RBMS1: variants seen among roughly 807,000 people sequenced by gnomAD.
RBMS1 encodes RNA binding motif single stranded interacting protein 1, also known as RNA-binding motif, single-stranded-interacting protein 1.
Under a neutral mutation model 62.3 loss-of-function variants are expected in RBMS1, and 17 were observed. The ratio of observed to expected loss-of-function variants is 0.27; its 90% CI spans 0.19 to 0.41. The LOEUF (loss-of-function observed/expected upper bound fraction) is 0.41. Among genes scored for constraint, RBMS1 ranks in the 10% least tolerant of loss-of-function variants. The pLI is 1.00. For missense variants in RBMS1, 334 were observed against 504.5 expected, an observed-to-expected ratio of 0.66 and a Z score of 3.24; for synonymous variants, 172 against 170.0, an observed-to-expected ratio of 1.01 and a Z score of -0.09.
At chr2:160,377,948 G>A (rs1255635985) in intron 1 of RBMS1, among the ~76,000 whole-genome samples, 1 of 152,208 alleles carries the variant, frequency 6.6e-6, no homozygotes, top group Non-Finnish European at 1.5e-5. Flanking sequence ...TTGCAGCAAA[G>A]ATGATGGTAC....
chr2:160,325,319 CTA>C (rs1384853641), intron 2 of RBMS1, among the ~76,000 whole-genome samples: 1 of 152,132 alleles, frequency 6.6e-6, no homozygotes, highest in Non-Finnish European at 1.5e-5. Context: ...TGACATTGGT[CTA>C]TCTTGGAATA....
intron 1 of RBMS1, among the ~76,000 whole-genome samples, chr2:160,470,045 C>A (rs1052979206): frequency 2.6e-5 from 4 of 152,154 alleles, no homozygotes; most frequent in Admixed American, 2.6e-4. Flanking sequence ...ATTTTTAAAC[C>A]CATGAGGCTG....
rs1685949395 is a variant in RBMS1 at position 160,493,443 on chromosome 2, T to C, written c.-80A>G. 5 of 1,412,666 alleles carry C rather than the reference T, an allele frequency of 3.5e-6. No homozygotes were observed. Among genetic ancestry groups the C allele is most frequent in the Non-Finnish European group, 3.0e-6 (3 of 1,009,200 alleles). 87.5% of individuals were successfully genotyped at this position (1,412,666 alleles called of 1,614,324 possible). ...TCTCGGGCTCTCCTGCCTCTCCCTT[T>C]CCGGCGGCGGCGGCAGCGGCGGCGG... is the stretch of plus-strand genomic sequence containing the variant. On this transcript the variant is annotated 5_prime_UTR_variant, in exon 1 of 14. Coordinates refer to ENST00000348849, the MANE Select transcript of RBMS1 (RefSeq NM_016836.4).
Position 160,389,643 on chromosome 2 carries a change from A to T in RBMS1, c.76-22252T>A, listed in dbSNP as rs184279508. On this transcript the variant is annotated intron_variant, in intron 1 of 13. Transcript: ENST00000348849. ...AACCCAGGAGGTGGAGGTTGCAGTG[A>T]GCCAAGTTTGCACCACTGCATTCCA... Among the ~76,000 whole-genome samples the T allele has an allele frequency of 5.8e-3, 759 of 130,778 alleles. 4 individuals carry two copies. Among genetic ancestry groups the T allele is most frequent in the Non-Finnish European group, 8.6e-3 (554 of 64,260 alleles). 85.8% of individuals were successfully genotyped at this position (130,778 alleles called of 152,430 possible). A position where few individuals can be genotyped will look rare whatever the true frequency, so the allele number is the denominator to read the frequency against.
intron 2 of RBMS1, among the ~76,000 whole-genome samples, chr2:160,363,571 A>T (rs1487379220): frequency 1.3e-5 from 2 of 151,988 alleles, no homozygotes; most frequent in Non-Finnish European, 2.9e-5. Flanking sequence ...AAGAAGGAAG[A>T]AGGGCTGGAG....
At chr2:160,442,944 G>A (rs1404128585) in intron 1 of RBMS1, among the ~76,000 whole-genome samples, 1 of 152,228 alleles carries the variant, frequency 6.6e-6, no homozygotes, top group South Asian at 2.1e-4. Flanking sequence ...GGTGGCTCAC[G>A]CCTGTAATCT....
intron 1 of RBMS1, among the ~76,000 whole-genome samples, chr2:160,468,735 TAAG>T (rs2105341413): frequency 6.6e-6 from 1 of 152,340 alleles, no homozygotes; most frequent in South Asian, 2.1e-4. Flanking sequence ...ATCTACAATG[TAAG>T]ACATCATTAA....
chr2:160,318,229 TAAAAAAAAAAA>T lies in RBMS1; in HGVS notation c.252-13_252-3del, dbSNP rs5835799. ...TTTGTGGAGACTATTTTCCCATATC[TAAAAAAAAAAA>T]AAAAAAAAAAAAGGAAAAAAAGAAA... On this transcript the variant is annotated splice_polypyrimidine_tract_variant and splice_region_variant and intron_variant, in intron 2 of 13. Coordinates refer to ENST00000348849, the MANE Select transcript of RBMS1 (RefSeq NM_016836.4). 20 of 1,164,710 alleles carry T rather than the reference TAAAAAAAAAAA, an allele frequency of 1.7e-5. No homozygotes were observed. The Admixed American group carries it at 3.3e-4, about 19-fold the overall frequency. The allele number at this position is 1,164,710 out of a possible 1,614,324, so 72.1% of individuals were successfully genotyped here. A position where few individuals can be genotyped will look rare whatever the true frequency, so the allele number is the denominator to read the frequency against.
intron 1 of RBMS1, among the ~76,000 whole-genome samples, chr2:160,400,289 T>C (rs1038548997): frequency 6.6e-6 from 1 of 151,254 alleles, no homozygotes; most frequent in Non-Finnish European, 1.5e-5. Flanking sequence ...CTTGCACATG[T>C]ATCTCGGAAC....
At chr2:160,387,852 G>C (rs746881085) in intron 1 of RBMS1, among the ~76,000 whole-genome samples, 60 of 151,676 alleles carry the variant, frequency 4.0e-4, no homozygotes, top group Non-Finnish European at 8.0e-4. Flanking sequence ...AAAAGAAAAA[G>C]CTTTTCCTTA....
At position 160,281,331 on chromosome 2, in the gene RBMS1, A is replaced by G; in HGVS notation, c.934T>C (p.Tyr312His). Reference sequence around the variant, plus strand: ...AAACTTACAGGGTGCTGTAGAATATATGGTTGAGGTTGCATCCACGAAGGA... The same window carrying G: ...AAACTTACAGGGTGCTGTAGAATATGTGGTTGAGGTTGCATCCACGAAGGA... ...QSPSWMQPQP[Y>H]ILQHPGAVLT... The change falls in exon 10 of 14, where the codon TAT (tyrosine) becomes CAT (histidine). Residue 312 changes from tyrosine to histidine, a missense_variant. Tyr to His is a moderately conservative substitution (Grantham distance 83, BLOSUM62 2). This residue lies in a region of RBMS1 where 182 missense variants were observed against 257.7 expected (regional missense o/e 0.71). Transcript: ENST00000348849. 1 of 1,609,400 alleles carries G rather than the reference A, an allele frequency of 6.2e-7. No individual in the cohort carries two copies. Among genetic ancestry groups the G allele is most frequent in the Non-Finnish European group, 8.5e-7 (1 of 1,177,074 alleles).
chr2:160,386,413 G>C (rs1047205236), intron 1 of RBMS1, among the ~76,000 whole-genome samples: 1 of 152,140 alleles, frequency 6.6e-6, no homozygotes, highest in Non-Finnish European at 1.5e-5. Context: ...GCGCGTGCCT[G>C]TAATCCCAGC....
At chr2:160,417,194 T>C (rs1696243913) in intron 1 of RBMS1, among the ~76,000 whole-genome samples, 1 of 152,170 alleles carries the variant, frequency 6.6e-6, no homozygotes, top group Non-Finnish European at 1.5e-5. Flanking sequence ...AATTTTCACC[T>C]TCTTTTCAAA....
In RBMS1 at chr2:160,493,539, C is replaced by CTCT; in HGVS notation, c.-179_-177dup. The CTCT allele has an allele frequency of 1.7e-6, 1 of 599,544 alleles. No individual in the cohort carries two copies. The highest frequency in any genetic ancestry group is 2.8e-5 in the East Asian group (1 of 35,324). The allele number at this position is 599,544 out of a possible 1,614,324, so 37.1% of individuals were successfully genotyped here. A position where few individuals can be genotyped will look rare whatever the true frequency, so the allele number is the denominator to read the frequency against. On this transcript the variant is annotated 5_prime_UTR_variant, in exon 1 of 14. Transcript: ENST00000348849. ...ACCAGACGTCCTCCTCCTCCTCCTCCTCTTCCTCCTCCTCCTCCTCCTCCT... is the reference window on the plus strand; with the variant it reads ...ACCAGACGTCCTCCTCCTCCTCCTCCTCTTCTTCCTCCTCCTCCTCCTCCTCCT...
chr2:160,324,870 GTGTGTGTGTGTGTATATATA>G (rs1310042649), intron 2 of RBMS1, among the ~76,000 whole-genome samples: 2 of 46,300 alleles, frequency 4.3e-5, no homozygotes, highest in African/African-American at 1.1e-4. Context: ...AGCGAGATGT[GTGTGTGTGTGTGTATATATA>G]TATATATATA....
At chr2:160,287,181 G>A in intron 6 of RBMS1, 97 bp from the exon 7 acceptor site, 2 of 1,499,108 alleles carry the variant, frequency 1.3e-6, no homozygotes, top group Non-Finnish European at 1.8e-6. Context: ...CACGCTATTA[G>A]AAAATTCATA....
intron 1 of RBMS1, among the ~76,000 whole-genome samples, chr2:160,465,779 A>T (rs1684660684): frequency 6.6e-6 from 1 of 151,998 alleles, no homozygotes; most frequent in Non-Finnish European, 1.5e-5. Context: ...CTTGGGTCTG[A>T]TCAAGAAACA....
intron 1 of RBMS1, among the ~76,000 whole-genome samples, chr2:160,487,379 G>A (rs1685640588): frequency 6.6e-6 from 1 of 152,196 alleles, no homozygotes; most frequent in Admixed American, 6.5e-5. Flanking sequence ...TAAATATTCT[G>A]TGCTTATTTC....
chr2:160,308,020 T>C (rs1212344819), intron 4 of RBMS1, among the ~76,000 whole-genome samples: 1 of 152,204 alleles, frequency 6.6e-6, no homozygotes, highest in African/African-American at 2.4e-5. Context: ...TATATGGCAA[T>C]ATGAATTTTC....
Sources: allele counts gnomAD v4.1 joint callset (sites outside exome capture counted in the v4.1 genomes callset), GRCh38; gene constraint gnomAD v4.1.1; regional missense constraint gnomAD v4.1.1; transcripts MANE v1.5; gene names NCBI Gene and HGNC (gene_info 2026-07-23, HGNC 2026-07-21).